The following ICE1 variants were observed in gnomAD, a reference collection of about 807,000 sequenced individuals.
ICE1 encodes interactor of little elongation complex ELL subunit 1, also known as little elongation complex subunit 1.
ICE1 carries 64 observed loss-of-function variants against 192.7 expected under a neutral mutation model. The ratio of observed to expected loss-of-function variants is 0.33; its 90% CI spans 0.27 to 0.41. The LOEUF is 0.41. Among genes scored for constraint, ICE1 ranks in the 10% least tolerant of loss-of-function variants. The probability of loss-of-function intolerance (pLI) is 1.00; values close to 1 mark genes in which losing one functional copy is unlikely to be tolerated. For synonymous variants in ICE1, 1,010 were observed against 984.5 expected, an observed-to-expected ratio of 1.03 and a Z score of -0.49; for missense variants, 2,708 against 2,696.0, an observed-to-expected ratio of 1.00 and a Z score of -0.10.
chr5:5,482,580 G>A (rs1739534310), intron 17 of ICE1, among the ~76,000 whole-genome samples: 2 of 152,240 alleles, frequency 1.3e-5, no homozygotes, highest in Admixed American at 1.3e-4. Flanking sequence ...CAGCACAGGA[G>A]AGGAGCAGCA....
In ICE1 at chr5:5,464,020, T is replaced by C. The variant is rs1738891977; in HGVS notation, c.4686T>C (p.Asp1562=). 6.2e-7 allele frequency: 1 copy of C among 1,613,572 alleles called. No individual in the cohort carries two copies. The highest frequency in any genetic ancestry group is 8.5e-7 in the Non-Finnish European group (1 of 1,179,814). Residue 1562 remains aspartate, a synonymous_variant, in exon 13 of 19, where the codon GAT becomes GAC. Transcript: ENST00000296564. The surrounding 1 kb of genome is among the most constrained non-coding windows in gnomAD (Gnocchi z 4.0). ...ATCGATCAAAGATTTCAAACAAAGA[T>C]CAGTCAAACAAACCAGTAAAAACTT... The part of the protein sequence containing the change: ...NKNRSKISNK[D]QSNKPVKTSA...
chr5:5,457,485 T>C lies in ICE1; in HGVS notation c.845T>C (p.Val282Ala), dbSNP rs1366639606. 1 of 1,613,978 alleles carries C rather than the reference T, an allele frequency of 6.2e-7. No individual in the cohort carries two copies. The highest frequency in any genetic ancestry group is 8.5e-7 in the Non-Finnish European group (1 of 1,179,872). Residue 282 changes from valine (V) to alanine (A), a missense_variant, in exon 12 of 19, where the codon GTG becomes GCG. Around this residue, in one of 2 missense-constraint regions of ICE1, gnomAD observed 2,366 missense variants for 2,276.6 expected, o/e 1.04. Transcript: ENST00000296564. ...EIKEDFLCQNVEKQSSSGTNC... is the reference protein window; with the variant it reads ...EIKEDFLCQNAEKQSSSGTNC... Reference sequence around the variant, plus strand: ...AAGGAGGACTTTTTATGTCAAAATGTGGAAAAACAGAGCTCCAGTGGAACA... The same window carrying C: ...AAGGAGGACTTTTTATGTCAAAATGCGGAAAAACAGAGCTCCAGTGGAACA...
At chr5:5,423,107 C>G in intron 1 of ICE1, 108 bp downstream of exon 1, 1 of 566,086 alleles carries the variant, frequency 1.8e-6, no homozygotes, top group Non-Finnish European at 2.6e-6. Flanking sequence ...GTGCGCTGCT[C>G]TCCCTTCCCA....
rs1355280475 is a variant in ICE1 at position 5,464,496 on chromosome 5, C to T, written c.5162C>T (p.Pro1721Leu). 1.9e-6 allele frequency: 3 copies of T among 1,613,774 alleles called. No individual in the cohort carries two copies. The highest frequency in any genetic ancestry group is 2.2e-5 in the East Asian group (1 of 44,880). Residue 1721 changes from proline to leucine, a missense_variant, in exon 13 of 19, where the codon CCG (proline) becomes CTG (leucine). By Grantham distance (98) the Pro-to-Leu change is moderately conservative (BLOSUM62 -3). Around this residue, in one of 2 missense-constraint regions of ICE1, gnomAD observed 2,366 missense variants for 2,276.6 expected, o/e 1.04. Transcript: ENST00000296564. This position sits in a 1 kb window ranked among gnomAD's most constrained non-coding sequence, Gnocchi z 4.0. Reference protein sequence around the residue: ...PSPLQFCAATPKHALPVPGRL... With the variant: ...PSPLQFCAATLKHALPVPGRL... ...CCTCTGCAGTTCTGTGCGGCCACGC[C>T]GAAGCACGCACTTCCTGTGCCTGGC...
rs756890865 is a variant in ICE1 at position 5,461,595 on chromosome 5, G to T, written c.2261G>T (p.Ser754Ile). Reference sequence around the variant, plus strand: ...GCTACAAAAGATGGGCAATGTGAAAGTCAAGATCCAAGAATTGAGCTCACA... The same window carrying T: ...GCTACAAAAGATGGGCAATGTGAAATTCAAGATCCAAGAATTGAGCTCACA... ...MKATKDGQCE[S>I]QDPRIELTLN... Residue 754 changes from serine (S) to isoleucine (I), a missense_variant, in exon 13 of 19, where the codon AGT becomes ATT. Ser to Ile is a moderately radical substitution (Grantham distance 142, BLOSUM62 -2). Coordinates refer to ENST00000296564, the MANE Select transcript of ICE1 (RefSeq NM_015325.3). 18 of 1,613,026 alleles carry T rather than the reference G, an allele frequency of 1.1e-5. No homozygotes were observed. In the South Asian group the frequency reaches 1.9e-4, roughly 17 times the overall value.
In ICE1 at chr5:5,462,560, T is replaced by G; in HGVS notation, c.3226T>G (p.Cys1076Gly). The G allele has an allele frequency of 6.2e-7, 1 of 1,614,036 alleles. No homozygotes were observed. The highest frequency in any genetic ancestry group is 8.5e-7 in the Non-Finnish European group (1 of 1,179,900). ...AGACACTACTTTTTCTTCAGCATTTTGCAGAAAACATGGAGAGACACAGGA... is the reference window on the plus strand; with the variant it reads ...AGACACTACTTTTTCTTCAGCATTTGGCAGAAAACATGGAGAGACACAGGA... ...TTDTTFSSAF[C>G]RKHGETQDTS... The change falls in exon 13 of 19, where the codon TGC becomes GGC. Residue 1076 changes from cysteine to glycine, a missense_variant. By Grantham distance (159) the Cys-to-Gly change is radical. Transcript: ENST00000296564.
intron 1 of ICE1, among the ~76,000 whole-genome samples, chr5:5,426,771 A>T (rs1220834710): frequency 1.3e-5 from 2 of 152,278 alleles, no homozygotes; most frequent in Non-Finnish European, 2.9e-5. Context: ...TCTTTTGGTC[A>T]ATTAGTAGAT....
At chr5:5,485,244 A>G (rs755305642) in intron 17 of ICE1, among the ~76,000 whole-genome samples, 2 of 152,228 alleles carry the variant, frequency 1.3e-5, no homozygotes, top group Non-Finnish European at 2.9e-5. Context: ...TTCATTTAAA[A>G]TGAACAGTAA....
At chr5:5,481,959 T>G (rs1739516119) in intron 17 of ICE1, among the ~76,000 whole-genome samples, 1 of 152,228 alleles carries the variant, frequency 6.6e-6, no homozygotes, top group Non-Finnish European at 1.5e-5. Context: ...CAGAATCTCC[T>G]CAAAGATGAA....
At position 5,476,047 on chromosome 5, in the gene ICE1, ATATTAT is replaced by A; in HGVS notation, c.6492_6497del (p.Ile2165_Ile2166del). On this transcript the variant is annotated inframe_deletion, in exon 17 of 19. Transcript: ENST00000296564. ...CATGCAAACATTGCGTATACTCCTG[ATATTAT>A]TATAGCCTCAATACTGAGGCTGATT... The A allele has an allele frequency of 1.9e-6, 3 of 1,608,138 alleles. No individual in the cohort carries two copies. The highest frequency in any genetic ancestry group is 2.6e-6 in the Non-Finnish European group (3 of 1,175,784).
At chr5:5,427,629 A>G (rs1041770273) in intron 1 of ICE1, among the ~76,000 whole-genome samples, 13 of 152,184 alleles carry the variant, frequency 8.5e-5, no homozygotes, top group African/African-American at 3.1e-4. Context: ...GATAATCGCT[A>G]GTGATTTAAG....
chr5:5,424,979 A>G (rs1482250359), intron 1 of ICE1, among the ~76,000 whole-genome samples: 1 of 152,190 alleles, frequency 6.6e-6, no homozygotes, highest in Admixed American at 6.5e-5. Flanking sequence ...GCTTTTGTGC[A>G]GAAGAACTAC....
At chr5:5,445,063 G>A (rs181989796) in intron 7 of ICE1, among the ~76,000 whole-genome samples, 1 of 152,294 alleles carries the variant, frequency 6.6e-6, no homozygotes, top group African/African-American at 2.4e-5. Context: ...ACTGCAGCGG[G>A]CATCTTACCT....
rs529313075 is a variant in ICE1, at chr5:5,450,466, G to T, written c.604+2569G>T. Among the ~76,000 whole-genome samples the T allele has an allele frequency of 4.6e-5, 7 of 152,218 alleles. No homozygotes were observed. The South Asian group carries it at 1.5e-3, about 32-fold the overall frequency. On this transcript the variant is annotated intron_variant, in intron 10 of 18. Transcript: ENST00000296564. The stretch of plus-strand genomic sequence containing the variant: ...AGATGTCTCAATATGCGTCTCCTAG[G>T]ACTTCTCAGAGGGGAGAACAGAAAC...
At chr5:5,442,766 A>G (rs1290552548) in intron 5 of ICE1, among the ~76,000 whole-genome samples, 1 of 152,176 alleles carries the variant, frequency 6.6e-6, no homozygotes, top group African/African-American at 2.4e-5. Context: ...GTGTTCACAC[A>G]TTTTCCCCAG....
chr5:5,446,931 TC>T (rs1307385761), intron 7 of ICE1, among the ~76,000 whole-genome samples: 1 of 152,102 alleles, frequency 6.6e-6, no homozygotes, highest in Non-Finnish European at 1.5e-5. Flanking sequence ...CTAAAATAGA[TC>T]TCTAATAAAG....
At chr5:5,455,294 G>A (rs2035680908) in intron 11 of ICE1, among the ~76,000 whole-genome samples, 1 of 152,172 alleles carries the variant, frequency 6.6e-6, no homozygotes, top group Non-Finnish European at 1.5e-5. Context: ...TCTTACTTAT[G>A]GTGGACTCAG....
intron 17 of ICE1, among the ~76,000 whole-genome samples, chr5:5,479,167 C>G (rs1739425713): frequency 6.6e-6 from 1 of 152,154 alleles, no homozygotes; most frequent in South Asian, 2.1e-4. Flanking sequence ...AGGCATCCTA[C>G]AGAATGGGAG....
At chr5:5,486,958 C>A in intron 18 of ICE1, 139 bp downstream of exon 18, 1 of 564,328 alleles carries the variant, frequency 1.8e-6, no homozygotes, top group East Asian at 3.0e-5. Flanking sequence ...GCAAAACATT[C>A]CAGCATTAAT....
Sources: allele counts gnomAD v4.1 joint callset (sites outside exome capture counted in the v4.1 genomes callset), GRCh38; gene constraint gnomAD v4.1.1; regional missense constraint gnomAD v4.1.1; non-coding constraint Gnocchi (gnomAD v3.1); transcripts MANE v1.5; gene names NCBI Gene and HGNC (gene_info 2026-07-23, HGNC 2026-07-21).